Variants in NAALADL2 observed in about 807,000 individuals in gnomAD.
NAALADL2 encodes the protein inactive N-acetylated-alpha-linked acidic dipeptidase-like protein 2.
A neutral mutation model predicts 87.2 loss-of-function variants in NAALADL2; 76 were observed. That is an observed-to-expected ratio of 0.87 (90% CI 0.72 to 1.05). The LOEUF is 1.05. Among genes scored for constraint, NAALADL2 ranks in the 50% least tolerant of loss-of-function variants. The pLI, the probability that NAALADL2 is intolerant of heterozygous loss-of-function variation, is 0.00. For missense variants in NAALADL2, 1,089 were observed against 945.8 expected (o/e 1.15, Z -1.99); for synonymous variants, 354 against 331.0 (o/e 1.07, Z -0.75).
chr3:175,434,053 C>T (rs1046905343), intron 5 of NAALADL2, among the ~76,000 whole-genome samples: 7 of 151,700 alleles, frequency 4.6e-5, no homozygotes, highest in Non-Finnish European at 1.0e-4. Flanking sequence ...CTACATGTGA[C>T]TAAGAGCAAA....
intron 4 of NAALADL2, among the ~76,000 whole-genome samples, chr3:175,315,524 G>T (rs115737773): frequency 0.011 from 1,722 of 152,150 alleles, 41 homozygotes; most frequent in African/African-American, 0.039. Flanking sequence ...ACTTTTTGAA[G>T]AACTTTTAGG....
At chr3:175,031,266 C>T (rs1443740218) in intron 1 of NAALADL2, among the ~76,000 whole-genome samples, 1 of 151,880 alleles carries the variant, frequency 6.6e-6, no homozygotes, top group Non-Finnish European at 1.5e-5. Flanking sequence ...AATTTTTCAA[C>T]CCTTGCCTCC....
chr3:175,755,175 C>A, intron 12 of NAALADL2, 45 bp from the exon 13 acceptor site: 1 of 1,530,162 alleles, frequency 6.5e-7, no homozygotes, highest in Non-Finnish European at 8.9e-7. Context: ...TATTTTGCTC[C>A]CTTGAGAATG....
chr3:175,160,167 TATTC>T (rs1170714783), intron 2 of NAALADL2, among the ~76,000 whole-genome samples: 1 of 151,756 alleles, frequency 6.6e-6, no homozygotes, highest in Non-Finnish European at 1.5e-5. Flanking sequence ...ATTAAAGTGA[TATTC>T]ACTTGCACAT....
intron 1 of NAALADL2, among the ~76,000 whole-genome samples, chr3:174,476,547 T>C (rs1486858737): frequency 2.0e-5 from 3 of 152,076 alleles, no homozygotes; most frequent in African/African-American, 7.2e-5. Flanking sequence ...TATTCATTTT[T>C]GCACTTAAAA....
rs551503731 is a variant in NAALADL2 at position 175,009,856 on chromosome 3, G to A, written c.44-86934G>A. On this transcript the variant is annotated intron_variant, in intron 1 of 13. Coordinates refer to ENST00000454872, the MANE Select transcript of NAALADL2 (RefSeq NM_207015.3). ...ATTTCTTGATTTTTACATTTATGCC[G>A]AGTTTACTTATTAGTTTTTATCAAA... 4.6e-5 allele frequency among the ~76,000 whole-genome samples: 7 copies of A among 151,802 alleles called. No homozygotes were observed. In the South Asian group the frequency reaches 6.2e-4, roughly 13 times the overall value.
At chr3:175,641,120 CT>C (rs762454879) in intron 11 of NAALADL2, among the ~76,000 whole-genome samples, 6 of 152,190 alleles carry the variant, frequency 3.9e-5, no homozygotes, top group Middle Eastern at 3.4e-3. Context: ...TTCCTCTTAC[CT>C]CATGACTAGC....
At chr3:175,526,444 A>G (rs529326117) in intron 9 of NAALADL2, among the ~76,000 whole-genome samples, 4 of 152,328 alleles carry the variant, frequency 2.6e-5, no homozygotes, top group African/African-American at 9.6e-5. Context: ...CACAGATTAA[A>G]TCATTTAGAT....
At chr3:174,791,269 T>C (rs111378417) in intron 3 of NAALADL2, among the ~76,000 whole-genome samples, 1 of 152,206 alleles carries the variant, frequency 6.6e-6, no homozygotes. Context: ...CCTGTGCAAC[T>C]GCTGTGGTCT....
chr3:175,643,239 A>G (rs1729534209), intron 11 of NAALADL2, among the ~76,000 whole-genome samples: 1 of 152,234 alleles, frequency 6.6e-6, no homozygotes, highest in Non-Finnish European at 1.5e-5. Flanking sequence ...TGCATAATGC[A>G]TAAATATACC....
chr3:174,450,869 C>CAAAAAAAAAA (rs761513802), intron 1 of NAALADL2, among the ~76,000 whole-genome samples: 10 of 74,876 alleles, frequency 1.3e-4, no homozygotes, highest in East Asian at 3.1e-4. Context: ...GACTCTGTCT[C>CAAAAAAAAAA]AAAAAAAAAA....
chr3:175,503,058 G>A (rs1729778264), intron 9 of NAALADL2, among the ~76,000 whole-genome samples: 2 of 151,860 alleles, frequency 1.3e-5, no homozygotes, highest in Admixed American at 6.6e-5. Flanking sequence ...TGGATAGGTG[G>A]TTTTTCAGTC....
chr3:175,268,069 A>G (rs1015373767), intron 4 of NAALADL2, among the ~76,000 whole-genome samples: 1 of 152,194 alleles, frequency 6.6e-6, no homozygotes, highest in Non-Finnish European at 1.5e-5. Flanking sequence ...GGCATGCATC[A>G]CTTAACAAAG....
At chr3:174,879,178 C>T (rs1232493738) in intron 1 of NAALADL2, among the ~76,000 whole-genome samples, 1 of 151,930 alleles carries the variant, frequency 6.6e-6, no homozygotes, top group East Asian at 1.9e-4. Flanking sequence ...TTAGTTTATT[C>T]ATCTTAGTTA....
At chr3:174,851,621 A>G (rs942139303) in intron 3 of NAALADL2, among the ~76,000 whole-genome samples, 1 of 152,066 alleles carries the variant, frequency 6.6e-6, no homozygotes, top group African/African-American at 2.4e-5. Context: ...CAAAGCTGTA[A>G]TAAAAAGCCT....
chr3:175,373,638 C>A (rs1480820454), intron 5 of NAALADL2, among the ~76,000 whole-genome samples: 2 of 152,118 alleles, frequency 1.3e-5, no homozygotes, highest in Admixed American at 1.3e-4. Flanking sequence ...ACGTACAAGC[C>A]TTTTTGTAAA....
At chr3:175,323,904 G>C (rs1445430549) in intron 4 of NAALADL2, among the ~76,000 whole-genome samples, 2 of 151,540 alleles carry the variant, frequency 1.3e-5, no homozygotes, top group Non-Finnish European at 2.9e-5. Flanking sequence ...TGTGGTCCCA[G>C]CTACTCGGGA....
intron 1 of NAALADL2, among the ~76,000 whole-genome samples, chr3:175,095,139 A>T (rs981314392): frequency 2.0e-5 from 3 of 151,908 alleles, no homozygotes; most frequent in Non-Finnish European, 4.4e-5. Context: ...AGGTTTTTCA[A>T]ATGGGGCATT....
chr3:175,581,090 G>T (rs954978553), intron 10 of NAALADL2: 13 of 292,570 alleles, frequency 4.4e-5, no homozygotes, highest in Non-Finnish European at 8.3e-5. Context: ...TATTAACCAA[G>T]ACAAAAATAT....
Sources: gnomAD v4.1 joint callset for allele counts (sites outside exome capture counted in the v4.1 genomes callset) on GRCh38, gnomAD v4.1.1 for gene constraint, MANE v1.5 for transcripts, NCBI Gene and HGNC (gene_info 2026-07-23, HGNC 2026-07-21) for gene names.